The following ATP2B4 variants were observed in gnomAD, a reference collection of about 807,000 sequenced individuals.
ATP2B4 encodes plasma membrane calcium-transporting ATPase 4.
ATP2B4 carries 39 observed loss-of-function variants against 110.3 expected under a neutral mutation model. The ratio of observed to expected loss-of-function variants is 0.35; its 90% CI spans 0.27 to 0.46. ATP2B4 has a LOEUF of 0.46. Ranked by LOEUF, ATP2B4 falls within the 20% of genes least tolerant of loss-of-function variation. The pLI is 1.00. For synonymous variants in ATP2B4, 538 were observed against 571.7 expected, an observed-to-expected ratio of 0.94 and a Z score of 0.84; for missense variants, 1,135 against 1,530.9, an observed-to-expected ratio of 0.74 and a Z score of 4.32.
intron 15 of ATP2B4, among the ~76,000 whole-genome samples, chr1:203,718,730 A>C (rs1666231572): frequency 6.6e-6 from 1 of 152,108 alleles, no homozygotes; most frequent in Admixed American, 6.5e-5. Flanking sequence ...AAATATCAAT[A>C]ATATTAATAA....
chr1:203,703,538 G>A (rs1045523177), intron 7 of ATP2B4, 114 bp from the exon 8 acceptor site: 1 of 1,249,964 alleles, frequency 8.0e-7, no homozygotes, highest in Non-Finnish European at 1.1e-6. Flanking sequence ...ACTGATGTCA[G>A]GGTCCAAGGT....
intron 1 of ATP2B4, among the ~76,000 whole-genome samples, chr1:203,642,134 T>G (rs1431390047): frequency 6.6e-6 from 1 of 152,074 alleles, no homozygotes; most frequent in Admixed American, 6.6e-5. Flanking sequence ...CAGGCTGGAG[T>G]GTAATGGTGT....
intron 20 of ATP2B4, among the ~76,000 whole-genome samples, chr1:203,733,864 T>C (rs551741611): frequency 1.3e-5 from 2 of 152,316 alleles, no homozygotes; most frequent in East Asian, 3.9e-4. Context: ...AAGTTTGGGA[T>C]CTTTTGAGGA....
intron 20 of ATP2B4, among the ~76,000 whole-genome samples, chr1:203,736,987 C>G (rs1174267338): frequency 6.6e-6 from 1 of 152,324 alleles, no homozygotes; most frequent in East Asian, 1.9e-4. Context: ...AGCTTCCTTA[C>G]AGGTGGCTGG....
At chr1:203,710,475 C>T (rs1665973612) in intron 11 of ATP2B4, among the ~76,000 whole-genome samples, 1 of 152,192 alleles carries the variant, frequency 6.6e-6, no homozygotes, top group Non-Finnish European at 1.5e-5. Flanking sequence ...GCTTTAGCCA[C>T]CTTCTTTTAA....
chr1:203,635,393 C>T (rs1344995418), intron 1 of ATP2B4, among the ~76,000 whole-genome samples: 1 of 152,186 alleles, frequency 6.6e-6, no homozygotes, highest in Non-Finnish European at 1.5e-5. Flanking sequence ...CTCAGCCTCC[C>T]AAGTAACTGG....
At chr1:203,652,375 A>T (rs770503613) in intron 1 of ATP2B4, among the ~76,000 whole-genome samples, 4 of 152,022 alleles carry the variant, frequency 2.6e-5, no homozygotes, top group Non-Finnish European at 4.4e-5. Context: ...TGAACTCCTG[A>T]CCTCAAATGA....
intron 15 of ATP2B4, among the ~76,000 whole-genome samples, chr1:203,717,426 T>A (rs1477595657): frequency 6.6e-6 from 1 of 151,906 alleles, no homozygotes; most frequent in Non-Finnish European, 1.5e-5. Flanking sequence ...CTGCTCTTAG[T>A]ATGGTTTTGA....
At chr1:203,722,376 G>T in intron 17 of ATP2B4, 102 bp from the exon 18 acceptor site, 1 of 904,522 alleles carries the variant, frequency 1.1e-6, no homozygotes, top group Non-Finnish European at 1.8e-6. Context: ...TGATTAATTA[G>T]AATGGACACC....
At position 203,722,528 on chromosome 1, in the gene ATP2B4, C is replaced by G; in HGVS notation, c.2863C>G (p.Pro955Ala). ...TGGGAGGAAGGCACCTCTACATTCA[C>G]CACCCAGCCAGCACTATACCATTGT... The part of the protein sequence containing the change: ...DSGRKAPLHS[P>A]PSQHYTIVFN... Residue 955 changes from proline (P) to alanine (A), a missense_variant, in exon 18 of 21, where the codon CCA becomes GCA. Physicochemically the swap from Pro to Ala is conservative, Grantham distance 27. Around this residue, in one of 9 missense-constraint regions of ATP2B4, gnomAD observed 155 missense variants for 186.2 expected, o/e 0.83. Coordinates refer to ENST00000357681, the MANE Select transcript of ATP2B4 (RefSeq NM_001684.5). 6.2e-7 allele frequency: 1 copy of G among 1,614,196 alleles called. No homozygotes were observed.
chr1:203,678,843 T>A (rs1322394458), intron 1 of ATP2B4, among the ~76,000 whole-genome samples: 2 of 152,226 alleles, frequency 1.3e-5, no homozygotes, highest in African/African-American at 2.4e-5. Context: ...CACTTTTTTA[T>A]CTCCCTGTAC....
rs149520427 is a variant in ATP2B4, at chr1:203,662,860, T to C, written c.-464-19882T>C. Among the ~76,000 whole-genome samples the C allele has an allele frequency of 2.5e-3, 377 of 152,298 alleles. 2 individuals are homozygous for C. Among genetic ancestry groups the C allele is most frequent in the African/African-American group, 8.6e-3 (356 of 41,562 alleles). ...AGGCAGGTGGAATTGAGTGTGCTGT[T>C]TATAAACTCTGTCCTGAGGTTTTAC... On this transcript the variant is annotated intron_variant, in intron 1 of 20. Coordinates refer to ENST00000357681, the MANE Select transcript of ATP2B4 (RefSeq NM_001684.5).
At chr1:203,734,971 C>A (rs551207178) in intron 20 of ATP2B4, among the ~76,000 whole-genome samples, 2 of 133,534 alleles carry the variant, frequency 1.5e-5, no homozygotes, top group South Asian at 2.5e-4. Flanking sequence ...CTACTGCACT[C>A]CAGCCTGGGT....
intron 20 of ATP2B4, among the ~76,000 whole-genome samples, chr1:203,738,109 T>A (rs1307992054): frequency 6.6e-6 from 1 of 152,110 alleles, no homozygotes; most frequent in Non-Finnish European, 1.5e-5. Flanking sequence ...CCCACCTTCA[T>A]CACTCCTACC....
At chr1:203,628,877 G>A (rs987616436) in intron 1 of ATP2B4, among the ~76,000 whole-genome samples, 2 of 152,126 alleles carry the variant, frequency 1.3e-5, no homozygotes, top group Non-Finnish European at 2.9e-5. Flanking sequence ...GAGGGTGGTG[G>A]CTTGGGGAGC....
intron 20 of ATP2B4, among the ~76,000 whole-genome samples, chr1:203,729,379 T>C (rs1403052161): frequency 6.6e-6 from 1 of 151,740 alleles, no homozygotes; most frequent in Non-Finnish European, 1.5e-5. Flanking sequence ...ACCTTGGCTC[T>C]GCCAAAAATA....
At chr1:203,690,215 C>A (rs1665325070) in intron 2 of ATP2B4, among the ~76,000 whole-genome samples, 1 of 152,110 alleles carries the variant, frequency 6.6e-6, no homozygotes, top group Non-Finnish European at 1.5e-5. Flanking sequence ...AGGGCAGTGG[C>A]ATGTTTTACC....
At chr1:203,657,236 C>G (rs7544854) in intron 1 of ATP2B4, 708,285 of 719,124 alleles carry the variant, frequency 0.98, 349,536 homozygotes, top group East Asian at 1. Context: ...TTGGCCTGAT[C>G]AGTCTTTCTT....
intron 1 of ATP2B4, among the ~76,000 whole-genome samples, chr1:203,631,834 G>A (rs996946118): frequency 3.3e-5 from 5 of 152,060 alleles, no homozygotes; most frequent in African/African-American, 9.7e-5. Flanking sequence ...TCGCTCTGTC[G>A]CCCAGGCTGG....
Sources: gnomAD v4.1 joint callset for allele counts (sites outside exome capture counted in the v4.1 genomes callset) on GRCh38, gnomAD v4.1.1 for gene constraint, gnomAD v4.1.1 regional missense constraint, MANE v1.5 for transcripts, NCBI Gene and HGNC (gene_info 2026-07-23, HGNC 2026-07-21) for gene names.